Variants in RAD51B observed in about 807,000 individuals in gnomAD.
RAD51B encodes DNA repair protein RAD51 homolog 2.
Under a neutral mutation model 42.2 loss-of-function variants are expected in RAD51B, and 38 were observed. The ratio of observed to expected loss-of-function variants is 0.90; its 90% CI spans 0.70 to 1.18. The LOEUF (loss-of-function observed/expected upper bound fraction) is 1.18, where lower values mean the gene tolerates loss of function less well. Among genes scored for constraint, RAD51B ranks in the 50% most tolerant of loss-of-function variants. The pLI, the probability that RAD51B is intolerant of heterozygous loss-of-function variation, is 0.00. For synonymous variants in RAD51B, 154 were observed against 145.2 expected, an observed-to-expected ratio of 1.06 and a Z score of -0.43; for missense variants, 373 against 400.7, an observed-to-expected ratio of 0.93 and a Z score of 0.59.
At chr14:68,629,848 G>C (rs1258917799) in intron 10 of RAD51B, among the ~76,000 whole-genome samples, 1 of 152,180 alleles carries the variant, frequency 6.6e-6, no homozygotes, top group Non-Finnish European at 1.5e-5. Context: ...TCTAATACTT[G>C]AGTATTAAAG....
intron 10 of RAD51B, among the ~76,000 whole-genome samples, chr14:68,556,563 C>T (rs1888857467): frequency 6.6e-6 from 1 of 152,118 alleles, no homozygotes; most frequent in Non-Finnish European, 1.5e-5. Context: ...AAGAACAAGA[C>T]TGAGGAGTCT....
chr14:68,552,972 C>T lies in RAD51B; in HGVS notation c.1037-41513C>T, dbSNP rs576566609. On this transcript the variant is annotated intron_variant, in intron 10 of 10. Transcript: ENST00000487270. Reference sequence around the variant, plus strand: ...TACTATGTGCTTATAGTAGAAATTTCAGAGTAAAGTACTAAGAATAAGTAA... The same window carrying T: ...TACTATGTGCTTATAGTAGAAATTTTAGAGTAAAGTACTAAGAATAAGTAA... 2.0e-5 allele frequency among the ~76,000 whole-genome samples: 3 copies of T among 152,304 alleles called. No individual in the cohort carries two copies. The South Asian group carries it at 6.2e-4, about 32-fold the overall frequency.
intron 7 of RAD51B, among the ~76,000 whole-genome samples, chr14:68,079,549 A>T (rs780302863): frequency 2.0e-5 from 3 of 152,194 alleles, no homozygotes; most frequent in African/African-American, 7.2e-5. Context: ...GTAGTATATA[A>T]TATTACTAGC....
intron 11 of RAD51B, among the ~76,000 whole-genome samples, chr14:68,657,503 G>A (rs965765681): frequency 6.6e-6 from 1 of 152,232 alleles, no homozygotes; most frequent in Non-Finnish European, 1.5e-5. Context: ...ATGTAGAGCT[G>A]AATAATATAC....
exon 11 of RAD51B, chr14:68,611,459 C>T (rs1891680079): frequency 1.7e-6 from 1 of 572,806 alleles, no homozygotes; most frequent in Non-Finnish European, 3.1e-6. Context: ...GATCTCATTT[C>T]CTCCAGCTGG....
intron 7 of RAD51B, among the ~76,000 whole-genome samples, chr14:68,176,076 C>T (rs2078957294): frequency 6.6e-6 from 1 of 152,206 alleles, no homozygotes; most frequent in Non-Finnish European, 1.5e-5. Flanking sequence ...CCTGCTGAGC[C>T]TGGACTCCAT....
At chr14:68,252,716 G>T (rs954385221) in intron 7 of RAD51B, among the ~76,000 whole-genome samples, 3 of 152,112 alleles carry the variant, frequency 2.0e-5, no homozygotes, top group Non-Finnish European at 4.4e-5. Context: ...TATTTAGGTG[G>T]CGTCTAATTT....
chr14:68,540,166 C>CTTTTTTTT (rs11321834), intron 10 of RAD51B: 5 of 587,302 alleles, frequency 8.5e-6, no homozygotes, highest in Admixed American at 1.2e-4. Flanking sequence ...TACCCTGCTC[C>CTTTTTTTT]TTTTTTTTTT....
chr14:67,952,466 G>A (rs2074471434), intron 7 of RAD51B, among the ~76,000 whole-genome samples: 1 of 152,182 alleles, frequency 6.6e-6, no homozygotes, highest in Non-Finnish European at 1.5e-5. Flanking sequence ...CAGTTTGCTT[G>A]TAAAGATTAG....
chr14:68,038,567 A>G (rs1041670692), intron 7 of RAD51B, among the ~76,000 whole-genome samples: 1 of 152,194 alleles, frequency 6.6e-6, no homozygotes, highest in Non-Finnish European at 1.5e-5. Context: ...AAATCATAAT[A>G]TCTGTATGGT....
chr14:68,640,278 A>C (rs1409975271), intron 10 of RAD51B, among the ~76,000 whole-genome samples: 1 of 152,224 alleles, frequency 6.6e-6, no homozygotes, highest in Non-Finnish European at 1.5e-5. Flanking sequence ...TATGGGCTTT[A>C]GAGTCAGAAG....
intron 10 of RAD51B, among the ~76,000 whole-genome samples, chr14:68,538,221 T>C (rs915319698): frequency 3.9e-5 from 6 of 152,180 alleles, no homozygotes; most frequent in African/African-American, 1.4e-4. Flanking sequence ...TCTGCACCTT[T>C]GATGTGAGCA....
intron 7 of RAD51B, among the ~76,000 whole-genome samples, chr14:68,044,173 A>T (rs926756034): frequency 6.6e-6 from 1 of 152,240 alleles, no homozygotes; most frequent in African/African-American, 2.4e-5. Flanking sequence ...CAGTGCAAGC[A>T]AGCGTCCATC....
At chr14:67,922,196 C>G (rs2140137027) in intron 7 of RAD51B, among the ~76,000 whole-genome samples, 1 of 152,274 alleles carries the variant, frequency 6.6e-6, no homozygotes, top group African/African-American at 2.4e-5. Context: ...CTTGCCTTCT[C>G]TTAGTTCTCT....
intron 7 of RAD51B, among the ~76,000 whole-genome samples, chr14:68,137,292 A>T (rs149423835): frequency 6.6e-6 from 1 of 152,316 alleles, no homozygotes; most frequent in African/African-American, 2.4e-5. Context: ...TGACATTACT[A>T]GTACAAGCTG....
intron 10 of RAD51B, among the ~76,000 whole-genome samples, chr14:68,608,464 C>T (rs1021856043): frequency 4.6e-5 from 7 of 152,112 alleles, no homozygotes; most frequent in Admixed American, 3.3e-4. Context: ...GAGGAAGTCC[C>T]GGGGCTGTGA....
chr14:68,209,967 T>C (rs933429294), intron 7 of RAD51B, among the ~76,000 whole-genome samples: 1 of 151,748 alleles, frequency 6.6e-6, no homozygotes. Context: ...ATACCTTTTT[T>C]TTTTTTTTTT....
At chr14:68,634,041 G>A (rs1034787321) in intron 10 of RAD51B, among the ~76,000 whole-genome samples, 3 of 152,176 alleles carry the variant, frequency 2.0e-5, no homozygotes, top group African/African-American at 7.2e-5. Flanking sequence ...AGCAAGTTCT[G>A]GCCTCCTGTC....
At chr14:68,505,231 C>G (rs1317757550) in intron 10 of RAD51B, among the ~76,000 whole-genome samples, 1 of 152,380 alleles carries the variant, frequency 6.6e-6, no homozygotes, top group East Asian at 1.9e-4. Context: ...CGCACACACA[C>G]AGCTAATTCA....
Sources: allele counts gnomAD v4.1 joint callset (sites outside exome capture counted in the v4.1 genomes callset), GRCh38; gene constraint gnomAD v4.1.1; transcripts MANE v1.5; gene names NCBI Gene and HGNC (gene_info 2026-07-23, HGNC 2026-07-21).